Variants in IMMP2L observed in about 807,000 individuals in gnomAD.
The protein encoded by IMMP2L is mitochondrial inner membrane protease subunit 2.
Under a neutral mutation model 19.3 loss-of-function variants are expected in IMMP2L, and 18 were observed. The ratio of observed to expected loss-of-function variants is 0.93; its 90% confidence interval spans 0.64 to 1.38. The LOEUF (loss-of-function observed/expected upper bound fraction) is 1.38, where lower values mean the gene tolerates loss of function less well. Among genes scored for constraint, IMMP2L ranks in the 40% most tolerant of loss-of-function variants. The pLI is 0.00. For missense variants in IMMP2L, 233 were observed against 218.2 expected, an observed-to-expected ratio of 1.07 and a Z score of -0.43; for synonymous variants, 76 against 73.0, an observed-to-expected ratio of 1.04 and a Z score of -0.21.
intron 5 of IMMP2L, among the ~76,000 whole-genome samples, chr7:110,769,792 T>C (rs1798918686): frequency 1.3e-5 from 2 of 152,110 alleles, no homozygotes; most frequent in African/African-American, 4.8e-5. Context: ...TATATGACAA[T>C]ACTGCTGACC....
chr7:110,897,108 T>A (rs748548115), intron 4 of IMMP2L, among the ~76,000 whole-genome samples: 2 of 152,088 alleles, frequency 1.3e-5, no homozygotes, highest in African/African-American at 2.4e-5. Flanking sequence ...TAAAGTAGGA[T>A]TGGGGAAAGC....
chr7:111,299,573 G>GA lies in IMMP2L; in HGVS notation c.239+187664dup, dbSNP rs71147472. Among the ~76,000 whole-genome samples the GA allele has an allele frequency of 4.1e-3, 487 of 118,662 alleles. 1 individual carries two copies. Among genetic ancestry groups the GA allele is most frequent in the African/African-American group, 0.011 (372 of 33,120 alleles). 77.8% of individuals were successfully genotyped at this position (118,662 alleles called of 152,430 possible). A position where few individuals can be genotyped will look rare whatever the true frequency, so the allele number is the denominator to read the frequency against. On this transcript the variant is annotated intron_variant, in intron 3 of 5. Transcript: ENST00000405709. ...TAATTCTTTAAAGGTAGCTGAAGCA[G>GA]AAAAAAAAAAAAAAAAAGAAATGCG...
At chr7:111,413,726 G>C (rs913733821) in intron 3 of IMMP2L, among the ~76,000 whole-genome samples, 6 of 83,396 alleles carry the variant, frequency 7.2e-5, no homozygotes, top group Non-Finnish European at 1.2e-4. Flanking sequence ...CCTCTTGCCT[G>C]TCAGCTCCAA....
chr7:110,891,569 A>G (rs1374880687), intron 4 of IMMP2L, among the ~76,000 whole-genome samples: 1 of 152,248 alleles, frequency 6.6e-6, no homozygotes, highest in Non-Finnish European at 1.5e-5. Flanking sequence ...AACAATAAGT[A>G]GCAAAATTAG....
intron 3 of IMMP2L, among the ~76,000 whole-genome samples, chr7:111,446,028 G>T (rs1302705225): frequency 6.6e-6 from 1 of 151,134 alleles, no homozygotes; most frequent in Non-Finnish European, 1.5e-5. Flanking sequence ...CCACGAGACT[G>T]TATCCCACAC....
intron 3 of IMMP2L, among the ~76,000 whole-genome samples, chr7:111,298,541 G>A (rs540720336): frequency 1.3e-5 from 2 of 152,174 alleles, no homozygotes; most frequent in Middle Eastern, 3.4e-3. Context: ...CCTAAGGTCA[G>A]GAGTTCAAGA....
chr7:111,048,437 C>G (rs894140244), intron 3 of IMMP2L, among the ~76,000 whole-genome samples: 1 of 152,000 alleles, frequency 6.6e-6, no homozygotes, highest in African/African-American at 2.4e-5. Flanking sequence ...GATTCAAATA[C>G]CACCTTTGTA....
chr7:111,518,905 C>T (rs907785225), intron 2 of IMMP2L, among the ~76,000 whole-genome samples: 1 of 152,098 alleles, frequency 6.6e-6, no homozygotes, highest in African/African-American at 2.4e-5. Context: ...ACCTGTACTC[C>T]AATCCCCAAT....
At chr7:111,195,710 C>A (rs551958891) in intron 3 of IMMP2L, among the ~76,000 whole-genome samples, 2 of 116 alleles carry the variant, frequency 0.017, no homozygotes, top group African/African-American at 0.053. Context: ...GTCGACGATT[C>A]TAAAATCCAT....
intron 3 of IMMP2L, among the ~76,000 whole-genome samples, chr7:111,120,553 C>G (rs1800472585): frequency 6.6e-6 from 1 of 152,122 alleles, no homozygotes; most frequent in Non-Finnish European, 1.5e-5. Context: ...ACAGCCAAAC[C>G]ATATCAGTGA....
chr7:111,484,537 A>C (rs1260151577), intron 3 of IMMP2L, among the ~76,000 whole-genome samples: 1 of 152,204 alleles, frequency 6.6e-6, no homozygotes, highest in Non-Finnish European at 1.5e-5. Context: ...CGAACATTTT[A>C]ATATACACTT....
At chr7:111,390,072 G>A (rs1832187608) in intron 3 of IMMP2L, among the ~76,000 whole-genome samples, 1 of 152,130 alleles carries the variant, frequency 6.6e-6, no homozygotes, top group Non-Finnish European at 1.5e-5. Flanking sequence ...GCATCACCCA[G>A]ATCCCCCTTC....
At chr7:111,265,763 G>T (rs2130000825) in intron 3 of IMMP2L, among the ~76,000 whole-genome samples, 1 of 152,212 alleles carries the variant, frequency 6.6e-6, no homozygotes, top group East Asian at 1.9e-4. Context: ...TAGACTAGGG[G>T]CAGGATAATG....
chr7:111,258,572 T>G (rs10244829), intron 3 of IMMP2L, among the ~76,000 whole-genome samples: 1 of 152,124 alleles, frequency 6.6e-6, no homozygotes, highest in Non-Finnish European at 1.5e-5. Context: ...AATGGCATGA[T>G]TGCAGCTCCT....
intron 1 of IMMP2L, among the ~76,000 whole-genome samples, chr7:111,525,438 C>G (rs757714951): frequency 2.6e-5 from 4 of 152,086 alleles, no homozygotes; most frequent in Non-Finnish European, 4.4e-5. Context: ...CTGAAATGTT[C>G]TAAAATTGAG....
At chr7:111,047,478 G>A (rs1006320211) in intron 3 of IMMP2L, among the ~76,000 whole-genome samples, 6 of 152,022 alleles carry the variant, frequency 3.9e-5, no homozygotes, top group Non-Finnish European at 8.8e-5. Context: ...ATGAGCCACC[G>A]TGCCCAGCCC....
intron 3 of IMMP2L, among the ~76,000 whole-genome samples, chr7:111,196,561 T>A (rs1416160964): frequency 6.6e-6 from 1 of 152,136 alleles, no homozygotes; most frequent in Non-Finnish European, 1.5e-5. Context: ...AGGGACTTTT[T>A]AAAAAACTAT....
rs906993544 is a variant in IMMP2L at position 111,352,822 on chromosome 7, A to G, written c.239+134416T>C. 2.6e-5 allele frequency among the ~76,000 whole-genome samples: 4 copies of G among 152,026 alleles called. No homozygotes were observed. The South Asian group carries it at 8.3e-4, about 32-fold the overall frequency. ...TGTGTGATCGGGTTTTCAGTGAACTATCTGTAGTCTTAGTAGACTCTAATC... is the reference window on the plus strand; with the variant it reads ...TGTGTGATCGGGTTTTCAGTGAACTGTCTGTAGTCTTAGTAGACTCTAATC... On this transcript the variant is annotated intron_variant, in intron 3 of 5. Transcript: ENST00000405709.
intron 3 of IMMP2L, among the ~76,000 whole-genome samples, chr7:111,331,870 G>T (rs1825912044): frequency 1.3e-5 from 2 of 151,776 alleles, no homozygotes; most frequent in South Asian, 4.2e-4. Flanking sequence ...CTGGATCCAT[G>T]AGTTCTTAAG....
Sources: allele counts gnomAD v4.1 joint callset (sites outside exome capture counted in the v4.1 genomes callset), GRCh38; gene constraint gnomAD v4.1.1; transcripts MANE v1.5; gene names NCBI Gene and HGNC (gene_info 2026-07-23, HGNC 2026-07-21).